The following ABCB4 variants were observed in gnomAD, a reference collection of about 807,000 sequenced individuals.
The protein encoded by ABCB4 is ATP binding cassette subfamily B member 4.
ABCB4 carries 76 observed loss-of-function variants against 145.7 expected under a neutral mutation model. The ratio of observed to expected loss-of-function variants is 0.52; its 90% CI spans 0.43 to 0.63. ABCB4 has a LOEUF of 0.63. Among genes scored for constraint, ABCB4 ranks in the 30% least tolerant of loss-of-function variants. ABCB4 has a pLI of 0.00. For synonymous variants in ABCB4, 517 were observed against 566.8 expected (o/e 0.91, Z 1.25); for missense variants, 1,234 against 1,553.1 (o/e 0.79, Z 3.45).
At chr7:87,424,737 C>T (rs1809691504) in intron 16 of ABCB4, among the ~76,000 whole-genome samples, 1 of 152,020 alleles carries the variant, frequency 6.6e-6, no homozygotes, top group Admixed American at 6.6e-5. Context: ...TAGTATGTAA[C>T]TTTTTTTAAG....
chr7:87,411,875 A>C lies in ABCB4; in HGVS notation c.2924+18T>G. ...AACCTTATTATAGAATAATCTTAATATTTCTAAAGCTACTTACAGAATAAC... is the reference window on the plus strand; with the variant it reads ...AACCTTATTATAGAATAATCTTAATCTTTCTAAAGCTACTTACAGAATAAC... On this transcript the variant is annotated intron_variant, in intron 23 of 27. Transcript: ENST00000649586. The C allele has an allele frequency of 6.2e-7, 1 of 1,610,068 alleles. No individual in the cohort carries two copies. Among genetic ancestry groups the C allele is most frequent in the Non-Finnish European group, 8.5e-7 (1 of 1,177,394 alleles).
At chr7:87,414,687 C>T (rs1473477847) in intron 21 of ABCB4, among the ~76,000 whole-genome samples, 5 of 151,596 alleles carry the variant, frequency 3.3e-5, no homozygotes, top group African/African-American at 4.8e-5. Flanking sequence ...TTTTTTTTTA[C>T]CTCAGTTCTT....
At chr7:87,424,965 T>G (rs186273361) in intron 16 of ABCB4, among the ~76,000 whole-genome samples, 1 of 152,236 alleles carries the variant, frequency 6.6e-6, no homozygotes, top group African/African-American at 2.4e-5. Context: ...TATTTATATC[T>G]CTATAAAACA....
chr7:87,426,997 C>T (rs926354980), intron 15 of ABCB4, 77 bp from the exon 16 acceptor site: 2 of 1,309,712 alleles, frequency 1.5e-6, no homozygotes, highest in Non-Finnish European at 2.1e-6. Context: ...ATGGATGTAA[C>T]CTCCAAGTTT....
the ABCB4 span, among the ~76,000 whole-genome samples, chr7:87,396,097 G>C: frequency 1.3e-5 from 2 of 152,064 alleles, no homozygotes; most frequent in Non-Finnish European, 2.9e-5. Context: ...AGAGATTGTC[G>C]ATATGGCAAA....
At chr7:87,423,578 A>G (rs1363249057) in intron 17 of ABCB4, 3 of 378,652 alleles carry the variant, frequency 7.9e-6, no homozygotes, top group African/African-American at 2.1e-5. Context: ...CTCTCTCTCC[A>G]CCTCACTGTG....
intron 3 of ABCB4, among the ~76,000 whole-genome samples, chr7:87,465,533 G>T (rs1812807932): frequency 6.6e-6 from 1 of 152,190 alleles, no homozygotes; most frequent in Non-Finnish European, 1.5e-5. Context: ...GTCCCTGTCT[G>T]ACAGGTTTCA....
the ABCB4 span, among the ~76,000 whole-genome samples, chr7:87,389,456 A>T: frequency 6.6e-6 from 1 of 152,202 alleles, no homozygotes; most frequent in Admixed American, 6.5e-5. Flanking sequence ...AAAGAGGATG[A>T]GTTCATGTCC....
At position 87,444,971 on chromosome 7, in the gene ABCB4, AAAAC is replaced by A; in HGVS notation, c.1006_1009del (p.Val336PhefsTer5). The A allele has an allele frequency of 6.3e-7, 1 of 1,598,822 alleles. No homozygotes were observed. Among genetic ancestry groups the A allele is most frequent in the Non-Finnish European group, 8.5e-7 (1 of 1,177,132 alleles). On this transcript the variant is annotated frameshift_variant and splice_region_variant, in exon 10 of 28. Transcript: ENST00000649586. LOFTEE classifies it high-confidence loss of function. Reference sequence around the variant, plus strand: ...GAAAGCTCCAATTAGGATTGAAAAAAAAACCTGAGCAAAATAACATGAGGAAAAG... The same window carrying A: ...GAAAGCTCCAATTAGGATTGAAAAAACTGAGCAAAATAACATGAGGAAAAG...
intron 21 of ABCB4, 32 bp from the exon 22 acceptor site, chr7:87,413,749 G>T (rs1240209005): frequency 9.9e-6 from 14 of 1,416,204 alleles, no homozygotes. Context: ...CATTAGAAGT[G>T]GTGTTTTCAC....
rs747255117 is a variant in ABCB4 at position 87,426,759 on chromosome 7, G to A, written c.2055C>T (p.Thr685=). Residue 685 remains threonine (T), a synonymous_variant, in exon 16 of 28, where the codon ACC becomes ACT. Coordinates refer to ENST00000649586, the MANE Select transcript of ABCB4 (RefSeq NM_000443.4). ...GTGAAAAACAACTTACAAGTCCATC[G>A]GTTTCCACATCAAGGCTCTTCTGAC... ...QMCQKSLDVE[T]DGLEANVPPV... The A allele has an allele frequency of 6.2e-6, 10 of 1,613,636 alleles. No individual in the cohort carries two copies. Among genetic ancestry groups the A allele is most frequent in the East Asian group, 2.2e-5 (1 of 44,870 alleles).
At chr7:87,392,401 C>T in the ABCB4 span, among the ~76,000 whole-genome samples, 1,132 of 152,106 alleles carry the variant, frequency 7.4e-3, 14 homozygotes, top group African/African-American at 0.024. Flanking sequence ...GAAGACTAGG[C>T]GATAGAATAA....
chr7:87,417,927 A>G (rs1809102797), intron 20 of ABCB4, among the ~76,000 whole-genome samples: 1 of 152,226 alleles, frequency 6.6e-6, no homozygotes, highest in African/African-American at 2.4e-5. Context: ...TACGTGTCCT[A>G]AGAGACATCC....
chr7:87,466,969 G>C (rs983977072), intron 3 of ABCB4, among the ~76,000 whole-genome samples: 1 of 152,142 alleles, frequency 6.6e-6, no homozygotes, highest in Non-Finnish European at 1.5e-5. Flanking sequence ...AGACCATCAA[G>C]GCTAGGAAGA....
chr7:87,394,730 G>T, the ABCB4 span, among the ~76,000 whole-genome samples: 5 of 151,980 alleles, frequency 3.3e-5, no homozygotes, highest in Admixed American at 1.3e-4. Flanking sequence ...CATACCTATA[G>T]ACTCTACTAT....
At chr7:87,450,793 T>C (rs1811668102) in intron 7 of ABCB4, among the ~76,000 whole-genome samples, 1 of 152,108 alleles carries the variant, frequency 6.6e-6, no homozygotes, top group Non-Finnish European at 1.5e-5. Context: ...TTCTGCTGAA[T>C]AATAAGATAG....
chr7:87,473,219 A>C (rs539156834), intron 2 of ABCB4, among the ~76,000 whole-genome samples: 1 of 152,338 alleles, frequency 6.6e-6, no homozygotes, highest in African/African-American at 2.4e-5. Flanking sequence ...GCCAAGCCAT[A>C]CACTACTTCT....
the ABCB4 span, among the ~76,000 whole-genome samples, chr7:87,394,680 T>A: frequency 6.6e-6 from 1 of 152,132 alleles, no homozygotes; most frequent in Admixed American, 6.6e-5. Context: ...GGTGCTATAT[T>A]TTTTATAGCA....
At chr7:87,442,714 C>G (rs1402004926) in intron 12 of ABCB4, among the ~76,000 whole-genome samples, 1 of 152,032 alleles carries the variant, frequency 6.6e-6, no homozygotes, top group Non-Finnish European at 1.5e-5. Flanking sequence ...TATAAACAAT[C>G]TAAATCTGGG....
Sources: allele counts gnomAD v4.1 joint callset (sites outside exome capture counted in the v4.1 genomes callset), GRCh38; gene constraint gnomAD v4.1.1; transcripts MANE v1.5; gene names NCBI Gene and HGNC (gene_info 2026-07-23, HGNC 2026-07-21).